KDM4B: variants seen among roughly 807,000 people sequenced by gnomAD.
The protein encoded by KDM4B is lysine-specific demethylase 4B.
Under a neutral mutation model 125.2 loss-of-function variants are expected in KDM4B, and 32 were observed. The ratio of observed to expected loss-of-function variants is 0.26; its 90% CI spans 0.19 to 0.34. The LOEUF is 0.34. Among genes scored for constraint, KDM4B ranks in the 10% least tolerant of loss-of-function variants. KDM4B has a pLI of 1.00. For synonymous variants in KDM4B, 721 were observed against 677.9 expected (o/e 1.06, Z -0.99); for missense variants, 1,190 against 1,577.7 (o/e 0.75, Z 4.16).
chr19:5,131,655 G>GGGGGGGGCAGGTGGGGGGGGGC, intron 12 of KDM4B, 110 bp downstream of exon 12: 1 of 590,728 alleles, frequency 1.7e-6, no homozygotes, highest in South Asian at 2.0e-5. Context: ...GGGCAGGGAG[G>GGGGGGGGCAGGTGGGGGGGGGC]AGGGGACAGG....
chr19:4,971,876 T>C lies in KDM4B; in HGVS notation c.-109+2646T>C, dbSNP rs1184347668. Among the ~76,000 whole-genome samples, 3 of 144,270 alleles carry C rather than the reference T, an allele frequency of 2.1e-5. No individual in the cohort carries two copies. The highest frequency in any genetic ancestry group is 4.5e-5 in the Non-Finnish European group (3 of 66,298). 94.6% of individuals were successfully genotyped at this position (144,270 alleles called of 152,430 possible). The stretch of plus-strand genomic sequence containing the variant: ...GTCACTTGCTCAGTGACAAAGCAGA[T>C]CGGGGGCACTAAATCTTTCGGAGCC... On this transcript the variant is annotated intron_variant, in intron 1 of 22. Coordinates refer to ENST00000159111, the MANE Select transcript of KDM4B (RefSeq NM_015015.3). The surrounding 1 kb of genome is among the most constrained non-coding windows in gnomAD (Gnocchi z 4.1).
intron 6 of KDM4B, among the ~76,000 whole-genome samples, chr19:5,051,283 C>G (rs890545551): frequency 4.6e-5 from 7 of 152,258 alleles, no homozygotes; most frequent in African/African-American, 1.7e-4. Flanking sequence ...GCCATCCCCC[C>G]TCGAGGGCCC....
At chr19:5,054,412 C>T (rs575218057) in intron 6 of KDM4B, among the ~76,000 whole-genome samples, 35 of 152,112 alleles carry the variant, frequency 2.3e-4, no homozygotes, top group Non-Finnish European at 4.3e-4. Context: ...TATCCTGGAA[C>T]CTGCTCAGAT....
At chr19:5,118,473 C>G (rs911449706) in intron 10 of KDM4B, among the ~76,000 whole-genome samples, 2 of 152,022 alleles carry the variant, frequency 1.3e-5, no homozygotes, top group African/African-American at 4.8e-5. Context: ...CTTAGGGCAG[C>G]TGCAGGGGGT....
chr19:5,113,266 CAAAT>C (rs2039187476), intron 10 of KDM4B: 1 of 151,994 alleles, frequency 6.6e-6, no homozygotes, highest in Non-Finnish European at 1.5e-5. Flanking sequence ...GCCTGAATAA[CAAAT>C]GAAGTCAGCT....
At chr19:4,981,987 A>G (rs1360701598) in intron 1 of KDM4B, among the ~76,000 whole-genome samples, 1 of 152,144 alleles carries the variant, frequency 6.6e-6, no homozygotes, top group Admixed American at 6.5e-5. Context: ...TGTTACTAAA[A>G]CGATTACAAA....
At chr19:4,995,992 C>G (rs978079332) in intron 1 of KDM4B, among the ~76,000 whole-genome samples, 13 of 152,062 alleles carry the variant, frequency 8.5e-5, no homozygotes, top group Admixed American at 7.2e-4. Context: ...ACTTTTCTCT[C>G]TCTCTTTCTT....
At chr19:5,084,888 T>G (rs1030006215) in intron 9 of KDM4B, among the ~76,000 whole-genome samples, 2 of 149,042 alleles carry the variant, frequency 1.3e-5, no homozygotes, top group African/African-American at 2.5e-5. Context: ...CACCCTTTTA[T>G]AGAGACAGGG....
At chr19:4,990,946 C>A (rs892544886) in intron 1 of KDM4B, among the ~76,000 whole-genome samples, 1 of 151,856 alleles carries the variant, frequency 6.6e-6, no homozygotes, top group African/African-American at 2.4e-5. Flanking sequence ...TATGGTGAAA[C>A]CTCGTCTTTA....
intron 6 of KDM4B, among the ~76,000 whole-genome samples, chr19:5,070,390 G>A (rs2145819827): frequency 6.6e-6 from 1 of 152,362 alleles, no homozygotes; most frequent in South Asian, 2.1e-4. Context: ...TTCGCTTCGT[G>A]TGTTTGCACA....
intron 11 of KDM4B, among the ~76,000 whole-genome samples, chr19:5,128,778 G>A (rs954168490): frequency 2.2e-4 from 31 of 143,964 alleles, no homozygotes; most frequent in Non-Finnish European, 2.7e-4. Flanking sequence ...TTCTTCCCAC[G>A]CCAGCCTGTC....
In KDM4B at chr19:5,114,382, C is replaced by T. The variant is rs751240604; in HGVS notation, c.1115+3564C>T. On this transcript the variant is annotated intron_variant, in intron 10 of 22. Transcript: ENST00000159111. The surrounding 1 kb of genome is among the most constrained non-coding windows in gnomAD (Gnocchi z 5.8). ...GCTCTGCCTTGGCCTGTCGCCCCTG[C>T]GCCAGTGCAGGACACCGCCACGCCT... 65 of 558,804 alleles carry T rather than the reference C, an allele frequency of 1.2e-4. No homozygotes were observed. Among genetic ancestry groups the T allele is most frequent in the Admixed American group, 7.5e-4 (32 of 42,516 alleles). The allele number at this position is 558,804 out of a possible 1,614,324, so 34.6% of individuals were successfully genotyped here.
At chr19:5,079,954 T>G (rs2038236422) in intron 8 of KDM4B, among the ~76,000 whole-genome samples, 1 of 152,184 alleles carries the variant, frequency 6.6e-6, no homozygotes, top group Non-Finnish European at 1.5e-5. Flanking sequence ...GGGGAGAAGC[T>G]GGCCCAGAGA....
intron 9 of KDM4B, among the ~76,000 whole-genome samples, chr19:5,084,835 C>T (rs886890206): frequency 4.0e-5 from 6 of 151,600 alleles, no homozygotes; most frequent in Non-Finnish European, 7.4e-5. Flanking sequence ...ATGAATTTCA[C>T]CTGTTTCATT....
At chr19:5,096,363 G>A (rs2038822511) in intron 9 of KDM4B, among the ~76,000 whole-genome samples, 1 of 152,184 alleles carries the variant, frequency 6.6e-6, no homozygotes. Context: ...GGGATTACAA[G>A]CGTGAGCCAC....
At chr19:5,028,888 C>T (rs776014196) in intron 2 of KDM4B, among the ~76,000 whole-genome samples, 3 of 152,144 alleles carry the variant, frequency 2.0e-5, no homozygotes, top group Non-Finnish European at 4.4e-5. Context: ...AGCTGTCTGC[C>T]CAAGTCCTTG....
intron 3 of KDM4B, among the ~76,000 whole-genome samples, chr19:5,036,441 A>G (rs1018042694): frequency 6.6e-6 from 1 of 152,126 alleles, no homozygotes; most frequent in African/African-American, 2.4e-5. Context: ...GTCCCCGACC[A>G]CTTGGGAAGC....
At chr19:5,096,713 C>T (rs1308415310) in intron 9 of KDM4B, among the ~76,000 whole-genome samples, 5 of 146,140 alleles carry the variant, frequency 3.4e-5, no homozygotes, top group African/African-American at 1.3e-4. Flanking sequence ...GTTGCCATGG[C>T]GCCTGCCTGG....
intron 7 of KDM4B, among the ~76,000 whole-genome samples, chr19:5,071,527 G>A (rs940536236): frequency 2.6e-5 from 4 of 152,246 alleles, no homozygotes; most frequent in African/African-American, 9.6e-5. Context: ...GTTCTGCTGG[G>A]ACCCAACCTG....
Sources: gnomAD v4.1 joint callset for allele counts (sites outside exome capture counted in the v4.1 genomes callset) on GRCh38, gnomAD v4.1.1 for gene constraint, Gnocchi (gnomAD v3.1) non-coding constraint, MANE v1.5 for transcripts, NCBI Gene and HGNC (gene_info 2026-07-23, HGNC 2026-07-21) for gene names.